The following CSMD1 variants were observed in gnomAD, a reference collection of about 807,000 sequenced individuals.
CSMD1 encodes the protein CUB and sushi domain-containing protein 1.
In CSMD1, 213 loss-of-function variants were observed where a neutral mutation model predicts 417.5. That is an observed-to-expected ratio of 0.51 (90% CI 0.46 to 0.57). The LOEUF (loss-of-function observed/expected upper bound fraction) is 0.57, where lower values mean the gene tolerates loss of function less well. Among genes scored for constraint, CSMD1 ranks in the 20% least tolerant of loss-of-function variants. The pLI is 0.00. For missense variants in CSMD1, 6,923 were observed against 4,529.7 expected, an observed-to-expected ratio of 1.53 and a Z score of -15.17; for synonymous variants, 2,862 against 1,736.8, an observed-to-expected ratio of 1.65 and a Z score of -16.11.
At chr8:3,911,288 A>G (rs930599309) in intron 5 of CSMD1, among the ~76,000 whole-genome samples, 1 of 151,926 alleles carries the variant, frequency 6.6e-6, no homozygotes, top group African/African-American at 2.4e-5. Context: ...TGAAGTCTCT[A>G]TAATCATAGA....
intron 1 of CSMD1, chr8:4,788,713 A>G: frequency 4.0e-6 from 2 of 502,372 alleles, no homozygotes; most frequent in Non-Finnish European, 7.1e-6. Context: ...TAGTGAATCA[A>G]TGCTTCTCTA....
intron 3 of CSMD1, among the ~76,000 whole-genome samples, chr8:4,236,303 G>T (rs775328048): frequency 7.2e-5 from 11 of 152,140 alleles, no homozygotes; most frequent in South Asian, 6.2e-4. Flanking sequence ...AAACTAGAAC[G>T]CAGGAAACAG....
chr8:4,746,222 C>G (rs552385456), intron 1 of CSMD1, among the ~76,000 whole-genome samples: 2 of 152,002 alleles, frequency 1.3e-5, no homozygotes, highest in Non-Finnish European at 2.9e-5. Flanking sequence ...ATGGAATCAC[C>G]GAAAACGTAT....
chr8:4,711,524 A>G (rs1286027285), intron 1 of CSMD1, among the ~76,000 whole-genome samples: 1 of 151,140 alleles, frequency 6.6e-6, no homozygotes, highest in Non-Finnish European at 1.5e-5. Flanking sequence ...ATCTGTCCTG[A>G]AAAAAAAAGT....
chr8:3,492,939 T>C (rs1796192456), intron 11 of CSMD1, among the ~76,000 whole-genome samples: 1 of 152,106 alleles, frequency 6.6e-6, no homozygotes, highest in South Asian at 2.1e-4. Context: ...AGAAAGCATC[T>C]GTACCTCTTT....
intron 3 of CSMD1, among the ~76,000 whole-genome samples, chr8:4,117,268 A>C (rs1802209092): frequency 6.6e-6 from 1 of 151,748 alleles, no homozygotes; most frequent in Non-Finnish European, 1.5e-5. Context: ...AATCCCAAGG[A>C]ACTCACTCGA....
intron 3 of CSMD1, among the ~76,000 whole-genome samples, chr8:4,157,520 A>C (rs770119572): frequency 5.9e-5 from 9 of 152,124 alleles, no homozygotes; most frequent in Non-Finnish European, 1.0e-4. Flanking sequence ...GAACTGGTTA[A>C]AGCAGCTCTA....
Position 4,042,189 on chromosome 8 carries a change from T to G in CSMD1, c.416-10090A>C, listed in dbSNP as rs1400522390. 2.0e-5 allele frequency among the ~76,000 whole-genome samples: 3 copies of G among 152,026 alleles called. No individual in the cohort carries two copies. The East Asian group carries it at 5.8e-4, about 29-fold the overall frequency. On this transcript the variant is annotated intron_variant, in intron 3 of 69. Transcript: ENST00000635120. ...TCATAAATACAAAAAGTTCAGTAAG[T>G]GTAAAATGCAAAGAACATGAAGAGC... is the stretch of plus-strand genomic sequence containing the variant.
intron 1 of CSMD1, among the ~76,000 whole-genome samples, chr8:4,714,443 T>G (rs961289688): frequency 6.6e-6 from 1 of 152,152 alleles, no homozygotes; most frequent in African/African-American, 2.4e-5. Flanking sequence ...AAATGGAAAT[T>G]CTAAGTCAAA....
intron 2 of CSMD1, among the ~76,000 whole-genome samples, chr8:4,627,172 C>T (rs937189995): frequency 5.3e-5 from 8 of 152,098 alleles, no homozygotes; most frequent in African/African-American, 1.9e-4. Flanking sequence ...CTTGTTTATT[C>T]TGAATGTTTA....
intron 1 of CSMD1, among the ~76,000 whole-genome samples, chr8:4,678,981 C>T (rs954155049): frequency 2.6e-5 from 4 of 152,172 alleles, no homozygotes; most frequent in African/African-American, 9.7e-5. Flanking sequence ...TTGTGTGCTG[C>T]CGACTCTCAA....
chr8:4,332,299 G>C (rs1467097573), intron 3 of CSMD1, among the ~76,000 whole-genome samples: 1 of 152,120 alleles, frequency 6.6e-6, no homozygotes, highest in Non-Finnish European at 1.5e-5. Context: ...CTCTCTTGGA[G>C]ATGCTCTTTC....
intron 10 of CSMD1, among the ~76,000 whole-genome samples, chr8:3,503,317 C>T (rs7005574): frequency 0.064 from 9,674 of 152,278 alleles, 329 homozygotes; most frequent in Middle Eastern, 0.099. Flanking sequence ...ATTCAATGCA[C>T]TGCTATGAAG....
intron 7 of CSMD1, among the ~76,000 whole-genome samples, chr8:3,629,573 T>A (rs79224112): frequency 0.022 from 3,390 of 152,266 alleles, 110 homozygotes; most frequent in African/African-American, 0.077. Flanking sequence ...ACTAAATTAT[T>A]TCAGTGTTTT....
chr8:3,731,161 C>T (rs142759189), intron 6 of CSMD1, among the ~76,000 whole-genome samples: 1 of 152,142 alleles, frequency 6.6e-6, no homozygotes, highest in East Asian at 1.9e-4. Context: ...TGTCTGTTAA[C>T]ACTTCCATCA....
chr8:3,606,365 C>A (rs905816663), intron 8 of CSMD1, among the ~76,000 whole-genome samples: 1 of 152,128 alleles, frequency 6.6e-6, no homozygotes, highest in Non-Finnish European at 1.5e-5. Flanking sequence ...GGCTATGAAC[C>A]CATACGGCAT....
At chr8:3,130,859 T>A (rs529713929) in intron 41 of CSMD1, among the ~76,000 whole-genome samples, 1 of 152,186 alleles carries the variant, frequency 6.6e-6, no homozygotes, top group Non-Finnish European at 1.5e-5. Flanking sequence ...TTCAAATCAA[T>A]GCCCTAAACA....
Position 3,622,219 on chromosome 8 carries a change from C to T in CSMD1, c.1010-5422G>A, listed in dbSNP as rs574764377. On this transcript the variant is annotated intron_variant, in intron 7 of 69. Transcript: ENST00000635120. ...GTAATGCAGATTGTTACTTCTGCCA[C>T]GTTTATTCTTTCTGCCATCACAGGC... is the stretch of plus-strand genomic sequence containing the variant. Among the ~76,000 whole-genome samples the T allele has an allele frequency of 1.8e-4, 28 of 152,252 alleles. 1 individual carries two copies. The highest frequency in any genetic ancestry group is 3.2e-4 in the Non-Finnish European group (22 of 68,010).
intron 8 of CSMD1, among the ~76,000 whole-genome samples, chr8:3,601,798 A>C (rs1563189639): frequency 6.6e-6 from 1 of 152,222 alleles, no homozygotes; most frequent in African/African-American, 2.4e-5. Flanking sequence ...CAATTCGTTT[A>C]AAAACTCTTC....
Sources: gnomAD v4.1 joint callset for allele counts (sites outside exome capture counted in the v4.1 genomes callset) on GRCh38, gnomAD v4.1.1 for gene constraint, MANE v1.5 for transcripts, NCBI Gene and HGNC (gene_info 2026-07-23, HGNC 2026-07-21) for gene names.